Variants in PMS1 observed in about 807,000 individuals in gnomAD.
The protein encoded by PMS1 is PMS1 homolog 1, mismatch repair system component.
A neutral mutation model predicts 93.1 loss-of-function variants in PMS1; 79 were observed. The ratio of observed to expected loss-of-function variants is 0.85; its 90% CI spans 0.71 to 1.02. The LOEUF (loss-of-function observed/expected upper bound fraction) is 1.02, where lower values mean the gene tolerates loss of function less well. PMS1 is among the 50% of genes least tolerant of loss of function. PMS1 has a pLI of 0.00. For synonymous variants in PMS1, 335 were observed against 363.4 expected (o/e 0.92, Z 0.89); for missense variants, 1,064 against 1,085.3 (o/e 0.98, Z 0.28).
chr2:189,852,279 G>A (rs929664455), intron 6 of PMS1, among the ~76,000 whole-genome samples: 1 of 151,836 alleles, frequency 6.6e-6, no homozygotes, highest in Admixed American at 6.6e-5. Context: ...AAAGACAAAA[G>A]GACAAACAGC....
At chr2:189,784,849 T>A (rs2048134779) in intron 1 of PMS1, 1 of 152,382 alleles carries the variant, frequency 6.6e-6, no homozygotes, top group Admixed American at 6.5e-5. Context: ...GACTTAAAAT[T>A]TGTTTTCCAG....
At chr2:189,874,644 A>G (rs996917971) in intron 12 of PMS1, among the ~76,000 whole-genome samples, 3 of 152,194 alleles carry the variant, frequency 2.0e-5, no homozygotes, top group Non-Finnish European at 2.9e-5. Context: ...ATTTTTGTTT[A>G]CAGTTGGTAG....
chr2:189,790,138 G>A (rs1424565587), intron 1 of PMS1, among the ~76,000 whole-genome samples: 1 of 152,108 alleles, frequency 6.6e-6, no homozygotes, highest in Non-Finnish European at 1.5e-5. Flanking sequence ...TAATATAGAG[G>A]ATAGTTATCT....
In PMS1 at chr2:189,867,815, C is replaced by T. The variant is rs2056793147; in HGVS notation, c.2359C>T (p.His787Tyr). The T allele has an allele frequency of 1.3e-6, 2 of 1,574,550 alleles. No individual in the cohort carries two copies. Among genetic ancestry groups the T allele is most frequent in the African/African-American group, 1.4e-5 (1 of 74,064 alleles). Residue 787 changes from histidine to tyrosine, a missense_variant, in exon 11 of 13, where the codon CAT becomes TAT. Coordinates refer to ENST00000441310, the MANE Select transcript of PMS1 (RefSeq NM_000534.5). Reference protein sequence around the residue: ...MLTESLFNGSHYLDVLYKMTA... With the variant: ...MLTESLFNGSYYLDVLYKMTA... ...CTTTTTCAGTCTTTTTAATGGATCTCATTATTTAGACGTTTTATATAAAAT... is the reference window on the plus strand; with the variant it reads ...CTTTTTCAGTCTTTTTAATGGATCTTATTATTTAGACGTTTTATATAAAAT...
chr2:189,793,426 A>G (rs1480446770), intron 2 of PMS1, among the ~76,000 whole-genome samples: 1 of 152,242 alleles, frequency 6.6e-6, no homozygotes, highest in Non-Finnish European at 1.5e-5. Flanking sequence ...ATTCTTCTAT[A>G]TCAAACCTCT....
intron 1 of PMS1, among the ~76,000 whole-genome samples, chr2:189,790,245 G>A (rs1295323039): frequency 1.3e-5 from 2 of 152,178 alleles, no homozygotes; most frequent in Non-Finnish European, 2.9e-5. Flanking sequence ...CAGAATGTAT[G>A]GATGACTAAT....
chr2:189,855,770 A>G (rs1399736850), intron 9 of PMS1: 1 of 379,622 alleles, frequency 2.6e-6, no homozygotes, highest in Non-Finnish European at 4.4e-6. Context: ...CCATATTTAA[A>G]TTAGATTTTC....
intron 5 of PMS1, among the ~76,000 whole-genome samples, chr2:189,820,596 G>C (rs145381751): frequency 5.6e-4 from 85 of 152,280 alleles, no homozygotes; most frequent in Non-Finnish European, 9.4e-4. Flanking sequence ...TTACAGGTGT[G>C]TGAGCTACTA....
intron 10 of PMS1, among the ~76,000 whole-genome samples, chr2:189,864,571 G>A: frequency 7.1e-6 from 1 of 141,318 alleles, no homozygotes. Context: ...CAGGAGAATC[G>A]CTTGAACCTG....
intron 11 of PMS1, among the ~76,000 whole-genome samples, chr2:189,869,462 CAACTT>C (rs2056945877): frequency 6.6e-6 from 1 of 152,108 alleles, no homozygotes; most frequent in African/African-American, 2.4e-5. Context: ...GTTTTATTCT[CAACTT>C]AATCTGTTTT....
intron 9 of PMS1, among the ~76,000 whole-genome samples, chr2:189,862,851 C>G (rs1164043766): frequency 6.6e-6 from 1 of 152,184 alleles, no homozygotes; most frequent in Admixed American, 6.5e-5. Context: ...CTTTGTTTCC[C>G]TGCAATGGGC....
intron 9 of PMS1, among the ~76,000 whole-genome samples, chr2:189,861,722 C>T (rs1055028550): frequency 5.4e-4 from 81 of 150,036 alleles, no homozygotes; most frequent in South Asian, 2.1e-4. Flanking sequence ...TGCACTCCAG[C>T]CTGGGAGACA....
At chr2:189,816,357 T>C (rs2051297811) in intron 4 of PMS1, among the ~76,000 whole-genome samples, 1 of 151,592 alleles carries the variant, frequency 6.6e-6, no homozygotes, top group Admixed American at 6.5e-5. Context: ...TAATTTCTTC[T>C]TAATAGTTAG....
At chr2:189,852,329 G>C (rs752754655) in intron 6 of PMS1, among the ~76,000 whole-genome samples, 31 of 152,194 alleles carry the variant, frequency 2.0e-4, no homozygotes, top group Admixed American at 3.9e-4. Flanking sequence ...ACTTTTAAAA[G>C]ACAGAAAAAA....
intron 8 of PMS1, 65 bp from the exon 9 acceptor site, chr2:189,854,174 A>G: frequency 7.2e-7 from 1 of 1,389,084 alleles, no homozygotes; most frequent in Non-Finnish European, 9.8e-7. Flanking sequence ...TATCTTTTTT[A>G]TTATTTAAAA....
chr2:189,806,052 T>A, intron 4 of PMS1: 2 of 731,754 alleles, frequency 2.7e-6, no homozygotes, highest in Non-Finnish European at 4.1e-6. Flanking sequence ...GTCATCTTCA[T>A]ATATGAAGAA....
chr2:189,792,071 T>A (rs2048916598), intron 2 of PMS1, 130 bp downstream of exon 2: 2 of 758,424 alleles, frequency 2.6e-6, no homozygotes, highest in African/African-American at 3.5e-5. Flanking sequence ...ATTGGACCCT[T>A]TGTCTTAAGA....
At position 189,854,739 on chromosome 2, in the gene PMS1, C is replaced by G; in HGVS notation, c.1467C>G (p.Asn489Lys). ...GENEEEAGLE[N>K]SSEISADEWS... Reference sequence around the variant, plus strand: ...ATGAGGAAGAAGCAGGTCTTGAAAACTCTTCGGAAATTTCTGCAGATGAGT... The same window carrying G: ...ATGAGGAAGAAGCAGGTCTTGAAAAGTCTTCGGAAATTTCTGCAGATGAGT... Residue 489 changes from asparagine (N) to lysine (K), a missense_variant, in exon 9 of 13, where the codon AAC becomes AAG. Coordinates refer to ENST00000441310, the MANE Select transcript of PMS1 (RefSeq NM_000534.5). The G allele has an allele frequency of 2.5e-6, 4 of 1,613,834 alleles. No individual in the cohort carries two copies. Among genetic ancestry groups the G allele is most frequent in the Non-Finnish European group, 3.4e-6 (4 of 1,179,852 alleles).
intron 5 of PMS1, 138 bp downstream of exon 5, chr2:189,818,318 C>G: frequency 1.6e-6 from 1 of 631,178 alleles, no homozygotes; most frequent in Non-Finnish European, 2.8e-6. Context: ...AACCTAACCA[C>G]CATGTGATGT....
Sources: allele counts gnomAD v4.1 joint callset (sites outside exome capture counted in the v4.1 genomes callset), GRCh38; gene constraint gnomAD v4.1.1; transcripts MANE v1.5; gene names NCBI Gene and HGNC (gene_info 2026-07-23, HGNC 2026-07-21).